Variants in KSR2 observed in about 807,000 individuals in gnomAD.
KSR2 encodes kinase suppressor of ras 2.
In KSR2, 25 loss-of-function variants were observed where a neutral mutation model predicts 107.8. The ratio of observed to expected loss-of-function variants is 0.23; its 90% CI spans 0.17 to 0.32. KSR2 has a LOEUF of 0.32. KSR2 is among the 10% of genes least tolerant of loss of function. KSR2 has a pLI of 1.00. For synonymous variants in KSR2, 480 were observed against 507.0 expected, an observed-to-expected ratio of 0.95 and a Z score of 0.71; for missense variants, 887 against 1,268.9, an observed-to-expected ratio of 0.70 and a Z score of 4.57.
At chr12:117,560,446 G>A (rs1297131453) in intron 7 of KSR2, among the ~76,000 whole-genome samples, 2 of 151,834 alleles carry the variant, frequency 1.3e-5, no homozygotes, top group African/African-American at 2.4e-5. Flanking sequence ...TAGGAAATAT[G>A]AGACAATGCT....
chr12:117,571,931 C>G (rs1297134205), intron 7 of KSR2, among the ~76,000 whole-genome samples: 1 of 152,026 alleles, frequency 6.6e-6, no homozygotes, highest in East Asian at 1.9e-4. Flanking sequence ...TCCAAGATCG[C>G]TTTTCTAGGA....
intron 10 of KSR2, among the ~76,000 whole-genome samples, chr12:117,536,178 T>G (rs1192685573): frequency 1.3e-5 from 2 of 152,218 alleles, no homozygotes; most frequent in African/African-American, 4.8e-5. Flanking sequence ...GAATCAGTGC[T>G]GGGGACATTG....
chr12:117,499,113 G>A (rs959298220), intron 14 of KSR2, among the ~76,000 whole-genome samples: 1 of 152,232 alleles, frequency 6.6e-6, no homozygotes, highest in African/African-American at 2.4e-5. Flanking sequence ...GCCCTCTAGG[G>A]CTAGACATCA....
intron 5 of KSR2, among the ~76,000 whole-genome samples, chr12:117,612,839 G>A (rs769950164): frequency 2.5e-4 from 38 of 152,218 alleles, no homozygotes; most frequent in Middle Eastern, 6.8e-3. Flanking sequence ...ATTCTGTTCT[G>A]GTGATAGTGA....
At chr12:117,557,906 A>G (rs1307820106) in intron 8 of KSR2, among the ~76,000 whole-genome samples, 1 of 152,192 alleles carries the variant, frequency 6.6e-6, no homozygotes, top group Non-Finnish European at 1.5e-5. Flanking sequence ...AGTCCTTGGC[A>G]GCCAGGAAAA....
intron 3 of KSR2, among the ~76,000 whole-genome samples, chr12:117,799,845 C>T (rs1180660819): frequency 3.3e-5 from 5 of 152,176 alleles, no homozygotes; most frequent in Non-Finnish European, 7.3e-5. Context: ...GACTCTGGGG[C>T]ACCTAAAAGG....
chr12:117,555,399 T>C, intron 8 of KSR2, 106 bp from the exon 9 acceptor site: 1 of 1,109,978 alleles, frequency 9.0e-7, no homozygotes, highest in Non-Finnish European at 1.3e-6. Context: ...CCCTCCAGAC[T>C]GGAGGACAAT....
rs1289008249 is a variant in KSR2, at chr12:117,938,254, C to T, written c.180+29822G>A. Among the ~76,000 whole-genome samples, 11 of 152,218 alleles carry T rather than the reference C, an allele frequency of 7.2e-5. No individual in the cohort carries two copies. The East Asian group carries it at 2.1e-3, about 29-fold the overall frequency. ...AACACATATTTGTACATCATTATTT[C>T]CACACATGCCAGACTGACATTTGTG... On this transcript the variant is annotated intron_variant, in intron 1 of 19. Transcript: ENST00000339824.
intron 5 of KSR2, among the ~76,000 whole-genome samples, chr12:117,600,508 G>A (rs1880879902): frequency 6.6e-6 from 1 of 152,154 alleles, no homozygotes; most frequent in African/African-American, 2.4e-5. Flanking sequence ...AAGGAACACA[G>A]CCTAATGATG....
At chr12:117,767,784 CAAAAAAA>C (rs35307926) in intron 3 of KSR2, among the ~76,000 whole-genome samples, 2 of 85,784 alleles carry the variant, frequency 2.3e-5, no homozygotes, top group Non-Finnish European at 4.7e-5. Flanking sequence ...GACTCCGTCT[CAAAAAAA>C]AAAAAAAAAA....
At chr12:117,702,783 A>G (rs1886377963) in intron 4 of KSR2, among the ~76,000 whole-genome samples, 1 of 152,152 alleles carries the variant, frequency 6.6e-6, no homozygotes. Context: ...ATTCAGTGAA[A>G]TGGCTAGAGC....
chr12:117,834,212 T>C (rs1333477927), intron 3 of KSR2, among the ~76,000 whole-genome samples: 1 of 151,502 alleles, frequency 6.6e-6, no homozygotes, highest in Non-Finnish European at 1.5e-5. Flanking sequence ...ATAAAGACCA[T>C]GATCCGAAGT....
chr12:117,718,284 G>A (rs935650542), intron 4 of KSR2, among the ~76,000 whole-genome samples: 3 of 151,618 alleles, frequency 2.0e-5, no homozygotes, highest in Non-Finnish European at 4.4e-5. Context: ...ATGCAAAGAG[G>A]ATCATAACAA....
chr12:117,505,510 C>A (rs1323170678), intron 14 of KSR2, among the ~76,000 whole-genome samples: 2 of 152,164 alleles, frequency 1.3e-5, no homozygotes, highest in African/African-American at 4.8e-5. Flanking sequence ...AATAACATTT[C>A]CTGGAGTCTG....
intron 4 of KSR2, among the ~76,000 whole-genome samples, chr12:117,753,229 C>G (rs562333446): frequency 2.0e-5 from 3 of 152,268 alleles, no homozygotes; most frequent in African/African-American, 7.2e-5. Context: ...TTTGTGGTTC[C>G]TAATCTCCAT....
rs999544592 is a variant in KSR2 at position 117,929,501 on chromosome 12, C to T, written c.180+38575G>A. 8.5e-5 allele frequency among the ~76,000 whole-genome samples: 13 copies of T among 152,224 alleles called. 1 individual carries two copies. Among genetic ancestry groups the T allele is most frequent in the African/African-American group, 2.9e-4 (12 of 41,444 alleles). ...CACATGGAACTGTGAGTCCATTAAA[C>T]CTCTTTCTTTTGTAAATTGCCCAGT... On this transcript the variant is annotated intron_variant, in intron 1 of 19. Transcript: ENST00000339824.
At chr12:117,911,200 T>A (rs1294432216) in intron 1 of KSR2, among the ~76,000 whole-genome samples, 1,600 of 134,022 alleles carry the variant, frequency 0.012, 27 homozygotes, top group African/African-American at 0.044. Flanking sequence ...ACACACACAC[T>A]CAAGAAACAA....
intron 14 of KSR2, among the ~76,000 whole-genome samples, chr12:117,493,679 C>G (rs2137160764): frequency 6.6e-6 from 1 of 152,136 alleles, no homozygotes; most frequent in South Asian, 2.1e-4. Flanking sequence ...AGACTGTAAG[C>G]CTTAAGAGGA....
At chr12:117,504,736 C>A (rs1873572022) in intron 14 of KSR2, among the ~76,000 whole-genome samples, 1 of 152,184 alleles carries the variant, frequency 6.6e-6, no homozygotes, top group Admixed American at 6.5e-5. Flanking sequence ...GCCCACCCAG[C>A]ACCAGAATCT....
Sources: allele counts gnomAD v4.1 joint callset (sites outside exome capture counted in the v4.1 genomes callset), GRCh38; gene constraint gnomAD v4.1.1; transcripts MANE v1.5; gene names NCBI Gene and HGNC (gene_info 2026-07-23, HGNC 2026-07-21).